DAB2: variants seen among roughly 807,000 people sequenced by gnomAD.
DAB2 encodes the protein disabled homolog 2.
In DAB2, 28 loss-of-function variants were observed where a neutral mutation model predicts 71.6. The observed-to-expected ratio is 0.39, with a 90% CI of 0.29 to 0.54. The LOEUF (loss-of-function observed/expected upper bound fraction) is 0.54. Ranked by LOEUF, DAB2 falls within the 20% of genes least tolerant of loss-of-function variation. The probability of loss-of-function intolerance (pLI) is 0.68; values close to 1 mark genes in which losing one functional copy is unlikely to be tolerated. For synonymous variants in DAB2, 345 were observed against 339.7 expected (o/e 1.02, Z -0.17); for missense variants, 867 against 928.8 (o/e 0.93, Z 0.86).
intron 2 of DAB2, 47 bp downstream of exon 2, chr5:39,394,183 A>C (rs1223893777): frequency 6.9e-7 from 1 of 1,447,176 alleles, no homozygotes; most frequent in Admixed American, 1.7e-5. Flanking sequence ...CTCCAGGGGT[A>C]ACCATCTCTA....
At chr5:39,378,549 T>C (rs1486061476) in intron 11 of DAB2, among the ~76,000 whole-genome samples, 3 of 152,128 alleles carry the variant, frequency 2.0e-5, no homozygotes, top group Non-Finnish European at 4.4e-5. Flanking sequence ...GTCTGAGACA[T>C]TGGTATTACC....
intron 1 of DAB2, among the ~76,000 whole-genome samples, chr5:39,419,903 ACT>A (rs1398839494): frequency 1.3e-5 from 2 of 152,224 alleles, no homozygotes; most frequent in African/African-American, 4.8e-5. Flanking sequence ...GTTAAACTGC[ACT>A]GTGTTTAAAG....
chr5:39,414,438 C>T (rs1030161605), intron 1 of DAB2, among the ~76,000 whole-genome samples: 2 of 152,006 alleles, frequency 1.3e-5, no homozygotes, highest in Admixed American at 6.6e-5. Context: ...AAAGGAGAAA[C>T]AGAAGGAGAA....
At chr5:39,390,311 A>T in intron 5 of DAB2, 133 bp downstream of exon 5, 1 of 1,165,456 alleles carries the variant, frequency 8.6e-7, no homozygotes, top group Non-Finnish European at 1.2e-6. Flanking sequence ...GCCAATAAAA[A>T]TAGTCATTCT....
At chr5:39,406,921 A>C (rs1755620948) in intron 1 of DAB2, among the ~76,000 whole-genome samples, 1 of 152,172 alleles carries the variant, frequency 6.6e-6, no homozygotes, top group Non-Finnish European at 1.5e-5. Context: ...CAGTGACTTG[A>C]AGAGAAGCAC....
chr5:39,384,470 G>A (rs1187164018), intron 9 of DAB2, among the ~76,000 whole-genome samples: 1 of 152,162 alleles, frequency 6.6e-6, no homozygotes, highest in Non-Finnish European at 1.5e-5. Flanking sequence ...GTTGACCACA[G>A]ACTTAATTTC....
At chr5:39,386,288 A>G (rs1755098709) in intron 9 of DAB2, among the ~76,000 whole-genome samples, 1 of 152,212 alleles carries the variant, frequency 6.6e-6, no homozygotes, top group South Asian at 2.1e-4. Context: ...ACTTTTCTGT[A>G]TAAATTTGAG....
In DAB2 at chr5:39,412,972, G is replaced by A. The variant is rs141845008; in HGVS notation, c.-102+11832C>T. Among the ~76,000 whole-genome samples, 246 of 152,256 alleles carry A rather than the reference G, an allele frequency of 1.6e-3. 2 individuals carry two copies. Among genetic ancestry groups the A allele is most frequent in the African/African-American group, 5.6e-3 (233 of 41,556 alleles). On this transcript the variant is annotated intron_variant, in intron 1 of 14. Transcript: ENST00000320816. ...TTCATGTCTGCTTGGCTATAATATA[G>A]GGCCTGTGCTGGGTTATACCAGGGG...
chr5:39,377,343 T>C, intron 11 of DAB2, 61 bp from the exon 12 acceptor site: 2 of 1,532,074 alleles, frequency 1.3e-6, no homozygotes, highest in South Asian at 2.5e-5. Context: ...TTCTTGAATT[T>C]CAGAGAGCAC....
chr5:39,376,756 C>T lies in DAB2; in HGVS notation c.2031G>A (p.Gly677=). 3.7e-6 allele frequency: 6 copies of T among 1,614,090 alleles called. No individual in the cohort carries two copies. Among genetic ancestry groups the T allele is most frequent in the Non-Finnish European group, 4.2e-6 (5 of 1,180,024 alleles). Residue 677 remains glycine (G), a synonymous_variant, in exon 12 of 15, where the codon GGG becomes GGA. Transcript: ENST00000320816. ...AATAACTGGCAAAGGCACTCAAAGT[C>T]CCAGAAGAAGTCTGCTCTCCCTTCC... is the stretch of plus-strand genomic sequence containing the variant. The part of the protein sequence containing the change: ...PARKGEQTSS[G]TLSAFASYFN...
intron 11 of DAB2, among the ~76,000 whole-genome samples, chr5:39,379,037 TG>T (rs1441457656): frequency 6.6e-6 from 1 of 152,232 alleles, no homozygotes; most frequent in Non-Finnish European, 1.5e-5. Context: ...CCAGATCACT[TG>T]CTAATAATTT....
At chr5:39,406,856 A>T (rs926888014) in intron 1 of DAB2, among the ~76,000 whole-genome samples, 1 of 152,224 alleles carries the variant, frequency 6.6e-6, no homozygotes, top group African/African-American at 2.4e-5. Context: ...ATATTAAAAA[A>T]AACTACTACT....
In DAB2 at chr5:39,384,804, A is replaced by G. The variant is rs75999628; in HGVS notation, c.688-1533T>C. On this transcript the variant is annotated intron_variant, in intron 9 of 14. Coordinates refer to ENST00000320816, the MANE Select transcript of DAB2 (RefSeq NM_001343.4). ...AATACTTAACTATGCTACCCAGAGAAGAATATAAATGATAAAAAATGCCTT... is the reference window on the plus strand; with the variant it reads ...AATACTTAACTATGCTACCCAGAGAGGAATATAAATGATAAAAAATGCCTT... Among the ~76,000 whole-genome samples, 122 of 152,162 alleles carry G rather than the reference A, an allele frequency of 8.0e-4. No individual in the cohort carries two copies. In the East Asian group the frequency reaches 0.02, roughly 25 times the overall value.
chr5:39,381,317 A>C, intron 11 of DAB2, 137 bp downstream of exon 11: 1 of 816,732 alleles, frequency 1.2e-6, no homozygotes, highest in Non-Finnish European at 1.9e-6. Context: ...GTATAGTAGA[A>C]GTGGGAGAAG....
At chr5:39,388,983 G>T (rs1476486438) in intron 7 of DAB2, 114 bp downstream of exon 7, 2 of 1,316,472 alleles carry the variant, frequency 1.5e-6, no homozygotes, top group Admixed American at 1.7e-5. Flanking sequence ...CATGATCAGA[G>T]AAGTCATAAA....
In DAB2 at chr5:39,382,615, C is replaced by A; in HGVS notation, c.1341+3G>T. The A allele has an allele frequency of 6.2e-7, 1 of 1,610,584 alleles. No homozygotes were observed. The highest frequency in any genetic ancestry group is 8.5e-7 in the Non-Finnish European group (1 of 1,177,186). On this transcript the variant is annotated splice_donor_region_variant and intron_variant, in intron 10 of 14. Transcript: ENST00000320816. ...TAATGGATATGTGGAGAAGACAATT[C>A]ACCTTAGCAGTCCTTCTGCCTCTTC...
At chr5:39,385,658 G>T (rs777328860) in intron 9 of DAB2, among the ~76,000 whole-genome samples, 3 of 152,152 alleles carry the variant, frequency 2.0e-5, no homozygotes, top group African/African-American at 7.2e-5. Flanking sequence ...GAACCTGCTC[G>T]TAGGGAGCTC....
intron 9 of DAB2, among the ~76,000 whole-genome samples, chr5:39,384,693 T>G (rs762026852): frequency 2.6e-5 from 4 of 152,146 alleles, no homozygotes; most frequent in Non-Finnish European, 5.9e-5. Context: ...CATGTCTTTA[T>G]TCCAGTAAAA....
At chr5:39,404,472 A>G (rs1164587384) in intron 1 of DAB2, among the ~76,000 whole-genome samples, 1 of 150,142 alleles carries the variant, frequency 6.7e-6, no homozygotes, top group East Asian at 1.9e-4. Context: ...AAAAAAAAAA[A>G]AAAAGAAAGA....
Sources: allele counts gnomAD v4.1 joint callset (sites outside exome capture counted in the v4.1 genomes callset), GRCh38; gene constraint gnomAD v4.1.1; transcripts MANE v1.5; gene names NCBI Gene and HGNC (gene_info 2026-07-23, HGNC 2026-07-21).